The following NRG2 variants were observed in gnomAD, a reference collection of about 807,000 sequenced individuals.
The protein encoded by NRG2 is neuregulin 2.
In NRG2, 27 loss-of-function variants were observed where a neutral mutation model predicts 73.9. That is an observed-to-expected ratio of 0.37 (90% CI 0.27 to 0.50). NRG2 has a LOEUF of 0.50. Ranked by LOEUF, NRG2 falls within the 20% of genes least tolerant of loss-of-function variation. NRG2 has a pLI of 0.96. For synonymous variants in NRG2, 532 were observed against 541.0 expected (o/e 0.98, Z 0.23); for missense variants, 1,126 against 1,210.1 (o/e 0.93, Z 1.03).
chr5:139,985,333 C>T (rs1274150924), intron 1 of NRG2, among the ~76,000 whole-genome samples: 3 of 147,484 alleles, frequency 2.0e-5, no homozygotes, highest in African/African-American at 7.5e-5. Context: ...GAGCAAGACT[C>T]GGTCTCAAAA....
intron 1 of NRG2, among the ~76,000 whole-genome samples, chr5:139,969,374 C>A (rs752757728): frequency 6.6e-6 from 1 of 152,200 alleles, no homozygotes; most frequent in Non-Finnish European, 1.5e-5. Flanking sequence ...GAGGGACAGA[C>A]ATAAGGCTAA....
intron 1 of NRG2, among the ~76,000 whole-genome samples, chr5:139,983,012 C>T (rs1405352755): frequency 6.6e-6 from 1 of 152,212 alleles, no homozygotes. Flanking sequence ...GGGGGATTAA[C>T]CTCTCTGACA....
chr5:139,945,034 G>A (rs1240094051), intron 1 of NRG2, among the ~76,000 whole-genome samples: 3 of 152,064 alleles, frequency 2.0e-5, no homozygotes, highest in Admixed American at 6.6e-5. Flanking sequence ...ATATTGTGTG[G>A]CCTTTTGTAT....
At chr5:139,998,680 G>A (rs567969197) in intron 1 of NRG2, among the ~76,000 whole-genome samples, 4 of 152,238 alleles carry the variant, frequency 2.6e-5, no homozygotes, top group African/African-American at 7.2e-5. Flanking sequence ...TGCTCCTGAC[G>A]AGTCTGAAAA....
rs1761405506 is a variant in NRG2 at position 139,851,382 on chromosome 5, T to A, written c.1772+222A>T. 6.6e-6 allele frequency among the ~76,000 whole-genome samples: 1 copy of A among 152,260 alleles called. No individual in the cohort carries two copies. The highest frequency in any genetic ancestry group is 1.5e-5 in the Non-Finnish European group (1 of 68,050). ...GAGGACAATTAAATTAGATGGTCAC[T>A]GTCCACCAGGGTCCACTGGCCCAAC... On this transcript the variant is annotated intron_variant, in intron 9 of 9. Transcript: ENST00000361474. The surrounding 1 kb of genome is among the most constrained non-coding windows in gnomAD (Gnocchi z 4.2).
chr5:140,023,718 T>C lies in NRG2; in HGVS notation c.700+18652A>G, dbSNP rs148879463. On this transcript the variant is annotated intron_variant, in intron 1 of 9. Transcript: ENST00000361474. ...TTTTGGAGTCAGGAAGTGGAAAGAATGGGACTGCACACCCATCTAGCTGAT... is the reference window on the plus strand; with the variant it reads ...TTTTGGAGTCAGGAAGTGGAAAGAACGGGACTGCACACCCATCTAGCTGAT... 2.6e-5 allele frequency among the ~76,000 whole-genome samples: 4 copies of C among 152,302 alleles called. No homozygotes were observed. The East Asian group carries it at 7.7e-4, about 29-fold the overall frequency.
chr5:139,955,658 G>A (rs1489471053), intron 1 of NRG2, among the ~76,000 whole-genome samples: 6 of 152,104 alleles, frequency 3.9e-5, no homozygotes, highest in Admixed American at 2.6e-4. Context: ...GTCTTCCCAC[G>A]TCTCTTTTAT....
At chr5:139,878,887 C>G (rs1763353830) in intron 3 of NRG2, among the ~76,000 whole-genome samples, 1 of 152,170 alleles carries the variant, frequency 6.6e-6, no homozygotes, top group Non-Finnish European at 1.5e-5. Flanking sequence ...GACCTTGGAG[C>G]AGGTTATAAG....
chr5:139,925,743 G>GTAT (rs1752005323), intron 1 of NRG2, among the ~76,000 whole-genome samples: 1 of 152,216 alleles, frequency 6.6e-6, no homozygotes, highest in Non-Finnish European at 1.5e-5. Flanking sequence ...ACGGGCAGTA[G>GTAT]CCTGCAGCGC....
intron 1 of NRG2, among the ~76,000 whole-genome samples, chr5:139,890,634 G>T (rs1764160739): frequency 6.6e-6 from 1 of 151,870 alleles, no homozygotes; most frequent in Non-Finnish European, 1.5e-5. Flanking sequence ...GGAGTCCCCA[G>T]TCATTGCTTA....
At position 139,954,836 on chromosome 5, in the gene NRG2, G is replaced by C. The variant is rs117471833; in HGVS notation, c.701-67325C>G. On this transcript the variant is annotated intron_variant, in intron 1 of 9. Coordinates refer to ENST00000361474, the MANE Select transcript of NRG2 (RefSeq NM_004883.3). This position sits in a 1 kb window ranked among gnomAD's most constrained non-coding sequence, Gnocchi z 5.0. ...GTAGGGTTTTTGTAAGGATAAATTA[G>C]AAAATGCTTGGAACAGAGCCTGGCA... 1.3e-3 allele frequency among the ~76,000 whole-genome samples: 204 copies of C among 152,290 alleles called. 3 individuals carry two copies. The highest frequency in any genetic ancestry group is 0.01 in the Admixed American group (157 of 15,302).
chr5:139,951,119 C>A (rs1754165819), intron 1 of NRG2, among the ~76,000 whole-genome samples: 1 of 152,346 alleles, frequency 6.6e-6, no homozygotes, highest in Non-Finnish European at 1.5e-5. Context: ...TTTCCACTGC[C>A]CCATGCTACC....
rs142555694 is a variant in NRG2, at chr5:140,012,116, T to C, written c.700+30254A>G. On this transcript the variant is annotated intron_variant, in intron 1 of 9. Transcript: ENST00000361474. ...GTGCCCCAGTCTCATCTTTATCCCT[T>C]TGCACATACCGTTCCCCCTTTCTAA... Among the ~76,000 whole-genome samples the C allele has an allele frequency of 4.0e-3, 612 of 152,296 alleles. 8 individuals carry two copies. Among genetic ancestry groups the C allele is most frequent in the African/African-American group, 0.014 (572 of 41,558 alleles).
In NRG2 at chr5:139,915,890, A is replaced by G. The variant is rs544127342; in HGVS notation, c.701-28379T>C. Among the ~76,000 whole-genome samples, 7 of 152,310 alleles carry G rather than the reference A, an allele frequency of 4.6e-5. No homozygotes were observed. Among genetic ancestry groups the G allele is most frequent in the Middle Eastern group, 3.4e-3 (1 of 294 alleles). ...ACAAAACAGGTTCAGAGAATGATGA[A>G]TATTACATTTTGACTGACATGTAGG... On this transcript the variant is annotated intron_variant, in intron 1 of 9. Coordinates refer to ENST00000361474, the MANE Select transcript of NRG2 (RefSeq NM_004883.3). This position sits in a 1 kb window ranked among gnomAD's most constrained non-coding sequence, Gnocchi z 4.0.
intron 1 of NRG2, among the ~76,000 whole-genome samples, chr5:139,995,140 C>T (rs959215718): frequency 6.6e-6 from 1 of 152,130 alleles, no homozygotes; most frequent in Admixed American, 6.5e-5. Flanking sequence ...AAAGGAAGCA[C>T]CCAAACCTTC....
At chr5:139,923,379 CT>C (rs1450119562) in intron 1 of NRG2, among the ~76,000 whole-genome samples, 7 of 152,174 alleles carry the variant, frequency 4.6e-5, no homozygotes, top group Admixed American at 1.3e-4. Flanking sequence ...CTCCTAGGCA[CT>C]CTGTTGGGGA....
intron 1 of NRG2, among the ~76,000 whole-genome samples, chr5:139,997,896 A>G (rs1451458321): frequency 6.6e-6 from 1 of 152,190 alleles, no homozygotes; most frequent in Non-Finnish European, 1.5e-5. Flanking sequence ...CCCGCTGGGG[A>G]GGAGCCAGCT....
intron 1 of NRG2, among the ~76,000 whole-genome samples, chr5:139,960,593 C>A (rs1274086147): frequency 6.6e-6 from 1 of 152,156 alleles, no homozygotes; most frequent in African/African-American, 2.4e-5. Context: ...GGATATATGA[C>A]CTGAAAGTTA....
At chr5:139,918,339 C>T (rs1408636383) in intron 1 of NRG2, among the ~76,000 whole-genome samples, 1 of 152,076 alleles carries the variant, frequency 6.6e-6, no homozygotes, top group African/African-American at 2.4e-5. Flanking sequence ...GAAATGGTAA[C>T]ATAAGGTGAT....
Sources: gnomAD v4.1 joint callset for allele counts (sites outside exome capture counted in the v4.1 genomes callset) on GRCh38, gnomAD v4.1.1 for gene constraint, Gnocchi (gnomAD v3.1) non-coding constraint, MANE v1.5 for transcripts, NCBI Gene and HGNC (gene_info 2026-07-23, HGNC 2026-07-21) for gene names.